TCP11: variants seen among roughly 807,000 people sequenced by gnomAD.
The protein encoded by TCP11 is t-complex 11.
Under a neutral mutation model 45.0 loss-of-function variants are expected in TCP11, and 34 were observed. That is an observed-to-expected ratio of 0.76 (90% CI 0.57 to 1.01). The LOEUF (loss-of-function observed/expected upper bound fraction) is 1.01, where lower values mean the gene tolerates loss of function less well. Ranked by LOEUF, TCP11 falls within the 50% of genes least tolerant of loss-of-function variation. TCP11 has a pLI of 0.00. For synonymous variants in TCP11, 227 were observed against 227.0 expected (o/e 1.00, Z 0.00); for missense variants, 523 against 598.1 (o/e 0.87, Z 1.31).
chr6:35,130,281 A>AC (rs1780249997), intron 3 of TCP11, among the ~76,000 whole-genome samples: 1 of 152,222 alleles, frequency 6.6e-6, no homozygotes, highest in Non-Finnish European at 1.5e-5. Flanking sequence ...AATATAGGTA[A>AC]CCTTGAGTTT....
At chr6:35,127,390 C>G (rs1779949118) in intron 4 of TCP11, among the ~76,000 whole-genome samples, 1 of 152,140 alleles carries the variant, frequency 6.6e-6, no homozygotes, top group African/African-American at 2.4e-5. Context: ...CAAAATGTCT[C>G]AGACTCTTTG....
intron 5 of TCP11, among the ~76,000 whole-genome samples, chr6:35,121,248 C>T (rs1199545962): frequency 6.6e-6 from 1 of 152,082 alleles, no homozygotes; most frequent in Non-Finnish European, 1.5e-5. Flanking sequence ...AGTCTCTGGA[C>T]CTTGAAGCCT....
chr6:35,136,294 C>T (rs1258160056), intron 2 of TCP11, 76 bp from the exon 3 acceptor site: 4 of 1,120,568 alleles, frequency 3.6e-6, no homozygotes, highest in Middle Eastern at 3.9e-4. Context: ...TCTAGTAGGC[C>T]CCAAATTTAG....
Position 35,141,241 on chromosome 6 carries a change from C to T in TCP11, c.-51G>A. ...CCGCCGCGGGTCATCCACTGGCGTC[C>T]GCTCGGTGGGCCTCGCGGCCTGGCG... On this transcript the variant is annotated 5_prime_UTR_variant, in exon 1 of 10. Coordinates refer to ENST00000311875, the MANE Select transcript of TCP11 (RefSeq NM_001370687.1). 8 of 1,361,096 alleles carry T rather than the reference C, an allele frequency of 5.9e-6. No homozygotes were observed. Among genetic ancestry groups the T allele is most frequent in the Non-Finnish European group, 6.6e-6 (7 of 1,057,292 alleles). The allele number at this position is 1,361,096 out of a possible 1,614,324, so 84.3% of individuals were successfully genotyped here.
intron 2 of TCP11, 150 bp from the exon 3 acceptor site, chr6:35,136,368 CTA>C: frequency 3.5e-6 from 2 of 578,386 alleles, no homozygotes; most frequent in Non-Finnish European, 6.0e-6. Context: ...TTTCTGCACT[CTA>C]TGCCCCACGA....
At chr6:35,132,302 T>C (rs891769817) in intron 3 of TCP11, among the ~76,000 whole-genome samples, 1 of 152,308 alleles carries the variant, frequency 6.6e-6, no homozygotes, top group African/African-American at 2.4e-5. Context: ...CATCCAAGAC[T>C]CAAGTCTTCA....
chr6:35,119,264 T>TG lies in TCP11; in HGVS notation c.1242dup (p.Ile415HisfsTer13). ...CAGACACAGTTCTCCTTCTTGGCAA[T>TG]GTTCTGGAGCTGTCCCATTAGAGAT... On this transcript the variant is annotated frameshift_variant, in exon 9 of 10. Transcript: ENST00000311875. LOFTEE classifies it high-confidence loss of function. The TG allele has an allele frequency of 6.2e-7, 1 of 1,614,222 alleles. No homozygotes were observed. The highest frequency in any genetic ancestry group is 8.5e-7 in the Non-Finnish European group (1 of 1,180,028).
intron 2 of TCP11, chr6:35,140,044 G>A (rs1781542704): frequency 3.1e-6 from 5 of 1,613,980 alleles, no homozygotes; most frequent in Non-Finnish European, 4.2e-6. Context: ...TGTTGGAAAT[G>A]ACCCCAATAT....
intron 3 of TCP11, among the ~76,000 whole-genome samples, chr6:35,129,983 A>G (rs1324645687): frequency 6.6e-6 from 1 of 151,964 alleles, no homozygotes; most frequent in Admixed American, 6.6e-5. Context: ...GGGTCCCGCT[A>G]TGTTGCTCGG....
intron 3 of TCP11, among the ~76,000 whole-genome samples, chr6:35,130,758 T>G (rs1780335149): frequency 6.6e-6 from 1 of 152,206 alleles, no homozygotes; most frequent in Non-Finnish European, 1.5e-5. Flanking sequence ...TCACATTCAC[T>G]GCTGGTCAGA....
chr6:35,127,865 C>A (rs1410970849), intron 4 of TCP11, among the ~76,000 whole-genome samples: 1 of 152,094 alleles, frequency 6.6e-6, no homozygotes, highest in Non-Finnish European at 1.5e-5. Flanking sequence ...ACTGAGTAGC[C>A]GAAGGGGTGG....
intron 3 of TCP11, among the ~76,000 whole-genome samples, chr6:35,132,391 T>G (rs9462051): frequency 5.3e-5 from 8 of 152,348 alleles, no homozygotes; most frequent in African/African-American, 1.9e-4. Flanking sequence ...ACTCTATATA[T>G]GCATAGCTAC....
rs1779047050 is a variant in TCP11 at position 35,120,015 on chromosome 6, T to C, written c.1115+144A>G. On this transcript the variant is annotated intron_variant, in intron 8 of 9. Coordinates refer to ENST00000311875, the MANE Select transcript of TCP11 (RefSeq NM_001370687.1). The surrounding 1 kb of genome is among the most constrained non-coding windows in gnomAD (Gnocchi z 4.9). ...TTTGTTACACCCTCATGACCACTTA[T>C]GGAAAGAAACCAACAATCTTTGTAG... The C allele has an allele frequency of 5.4e-6, 6 of 1,121,434 alleles. No homozygotes were observed. The highest frequency in any genetic ancestry group is 3.2e-5 in the African/African-American group (2 of 63,452). 69.5% of individuals were successfully genotyped at this position (1,121,434 alleles called of 1,614,324 possible).
chr6:35,123,930 G>A (rs1412820507), intron 4 of TCP11, among the ~76,000 whole-genome samples: 1 of 151,992 alleles, frequency 6.6e-6, no homozygotes, highest in African/African-American at 2.4e-5. Flanking sequence ...TGGAACTACA[G>A]GTATGACCAC....
At position 35,120,979 on chromosome 6, in the gene TCP11, T is replaced by C. The variant is rs139021948; in HGVS notation, c.645A>G (p.Gln215=). 20 of 1,613,928 alleles carry C rather than the reference T, an allele frequency of 1.2e-5. No individual in the cohort carries two copies. The highest frequency in any genetic ancestry group is 1.7e-5 in the Non-Finnish European group (20 of 1,179,974). ...DMVNYTIQSL[Q]PHLQEHSIQY... ...GAATGGAATGTTCCTGCAGGTGGGG[T>C]TGAAGGCTCTGGATAGTGTAGTTCA... Residue 215 remains glutamine, a synonymous_variant, in exon 6 of 10, where the codon CAA becomes CAG. Coordinates refer to ENST00000311875, the MANE Select transcript of TCP11 (RefSeq NM_001370687.1). The surrounding 1 kb of genome is among the most constrained non-coding windows in gnomAD (Gnocchi z 4.9).
Position 35,140,901 on chromosome 6 carries a change from G to A in TCP11, c.-14-17C>T, listed in dbSNP as rs777814789. 2 of 1,548,606 alleles carry A rather than the reference G, an allele frequency of 1.3e-6. No individual in the cohort carries two copies. The highest frequency in any genetic ancestry group is 1.7e-6 in the Non-Finnish European group (2 of 1,152,906). ...TGATGGTATCTGGGTGAGGGAGAAA[G>A]GCGTGTTGTTGGCGTCGGGGAAGGG... On this transcript the variant is annotated splice_polypyrimidine_tract_variant and intron_variant, in intron 1 of 9. Coordinates refer to ENST00000311875, the MANE Select transcript of TCP11 (RefSeq NM_001370687.1).
In TCP11 at chr6:35,141,219, C is replaced by T. The variant is rs757197678; in HGVS notation, c.-29G>A. ...CAGGCCGTCACCTCCTCCTCCCCCG[C>T]CGCGGGTCATCCACTGGCGTCCGCT... On this transcript the variant is annotated 5_prime_UTR_variant, in exon 1 of 10. Transcript: ENST00000311875. 4.3e-6 allele frequency: 6 copies of T among 1,405,654 alleles called. No homozygotes were observed. In the South Asian group the frequency reaches 7.6e-5, roughly 18 times the overall value. 87.1% of individuals were successfully genotyped at this position (1,405,654 alleles called of 1,614,324 possible).
chr6:35,118,217 G>T lies in TCP11; in HGVS notation c.*52C>A. 1 of 1,472,014 alleles carries T rather than the reference G, an allele frequency of 6.8e-7. No homozygotes were observed. The highest frequency in any genetic ancestry group is 9.5e-7 in the Non-Finnish European group (1 of 1,053,862). The allele number at this position is 1,472,014 out of a possible 1,614,324, so 91.2% of individuals were successfully genotyped here. A position where few individuals can be genotyped will look rare whatever the true frequency, so the allele number is the denominator to read the frequency against. ...GTCACTGGTGATGTTACTCCAGGAA[G>T]ATGATGGGCCTCCTCTTGGGTCCAA... is the stretch of plus-strand genomic sequence containing the variant. On this transcript the variant is annotated 3_prime_UTR_variant, in exon 10 of 10. Transcript: ENST00000311875.
chr6:35,122,067 C>A (rs116393879), intron 5 of TCP11, 50 bp downstream of exon 5: 1 of 1,590,730 alleles, frequency 6.3e-7, no homozygotes, highest in Middle Eastern at 1.7e-4. Context: ...CCAGCTTTTC[C>A]GGGCTCAGGG....
Sources: allele counts gnomAD v4.1 joint callset (sites outside exome capture counted in the v4.1 genomes callset), GRCh38; gene constraint gnomAD v4.1.1; non-coding constraint Gnocchi (gnomAD v3.1); transcripts MANE v1.5; gene names NCBI Gene and HGNC (gene_info 2026-07-23, HGNC 2026-07-21).